Variants in NETO2 observed in about 807,000 individuals in gnomAD.
NETO2 encodes neuropilin and tolloid-like protein 2.
NETO2 carries 28 observed loss-of-function variants against 62.5 expected under a neutral mutation model. That is an observed-to-expected ratio of 0.45 (90% CI 0.33 to 0.61). The LOEUF is 0.61. Among genes scored for constraint, NETO2 ranks in the 20% least tolerant of loss-of-function variants. The pLI is 0.02. For missense variants in NETO2, 548 were observed against 643.2 expected (o/e 0.85, Z 1.60); for synonymous variants, 214 against 219.1 (o/e 0.98, Z 0.21).
At chr16:47,114,120 T>C (rs1017526906) in intron 6 of NETO2, among the ~76,000 whole-genome samples, 1 of 152,142 alleles carries the variant, frequency 6.6e-6, no homozygotes, top group Non-Finnish European at 1.5e-5. Context: ...CAGGACTGTA[T>C]CAGAGTTTCA....
chr16:47,099,671 A>G (rs888591186), intron 7 of NETO2, among the ~76,000 whole-genome samples: 1 of 152,220 alleles, frequency 6.6e-6, no homozygotes, highest in Admixed American at 6.5e-5. Flanking sequence ...CTAGTCTCTG[A>G]TAAAACAGAC....
chr16:47,106,102 T>C (rs1963667078), intron 7 of NETO2, among the ~76,000 whole-genome samples: 1 of 152,086 alleles, frequency 6.6e-6, no homozygotes, highest in South Asian at 2.1e-4. Flanking sequence ...TTCTGATACA[T>C]ATGACCACAT....
chr16:47,112,333 A>G (rs72812495), intron 6 of NETO2, among the ~76,000 whole-genome samples: 4,273 of 152,328 alleles, frequency 0.028, 96 homozygotes, highest in Non-Finnish European at 0.04. Flanking sequence ...TTTCTTAAAT[A>G]AAACCATCTA....
chr16:47,095,228 C>T (rs757653494), intron 7 of NETO2, among the ~76,000 whole-genome samples: 45 of 151,468 alleles, frequency 3.0e-4, no homozygotes, highest in Admixed American at 1.1e-3. Flanking sequence ...AAAGGAAATG[C>T]GAAGGGAATC....
At chr16:47,141,018 G>A (rs1964452180) in intron 1 of NETO2, among the ~76,000 whole-genome samples, 1 of 152,140 alleles carries the variant, frequency 6.6e-6, no homozygotes, top group South Asian at 2.1e-4. Context: ...AATTCTGTGA[G>A]GCCTAGAGTG....
chr16:47,137,381 A>T (rs1964379127), intron 1 of NETO2, among the ~76,000 whole-genome samples: 1 of 152,192 alleles, frequency 6.6e-6, no homozygotes. Context: ...CACTGTGAGT[A>T]CCACTGCAAC....
At chr16:47,134,092 T>G (rs895613735) in intron 1 of NETO2, among the ~76,000 whole-genome samples, 1 of 151,494 alleles carries the variant, frequency 6.6e-6, no homozygotes, top group African/African-American at 2.4e-5. Context: ...GTGAGGGAGG[T>G]GGAGGCACTG....
rs898036699 is a variant in NETO2 at position 47,082,218 on chromosome 16, G to C, written c.*1003C>G. On this transcript the variant is annotated 3_prime_UTR_variant, in exon 9 of 9. Coordinates refer to ENST00000562435, the MANE Select transcript of NETO2 (RefSeq NM_018092.5). ...GTCCCAGTTAAGAAGCAATCTCAAG[G>C]CTCATCCAATTTCTAAGGAATTTTA... The C allele has an allele frequency of 3.3e-5, 5 of 152,704 alleles. No homozygotes were observed. Among genetic ancestry groups the C allele is most frequent in the East Asian group, 1.9e-4 (1 of 5,194 alleles). The allele number at this position is 152,704 out of a possible 1,614,324, so 9.5% of individuals were successfully genotyped here. A position where few individuals can be genotyped will look rare whatever the true frequency, so the allele number is the denominator to read the frequency against.
chr16:47,114,532 G>A lies in NETO2; in HGVS notation c.655-4821C>T, dbSNP rs185377860. 2.9e-3 allele frequency among the ~76,000 whole-genome samples: 371 copies of A among 127,992 alleles called. No individual in the cohort carries two copies. In the Middle Eastern group the frequency reaches 0.031, roughly 11 times the overall value. The allele number at this position is 127,992 out of a possible 152,430, so 84.0% of individuals were successfully genotyped here. A position where few individuals can be genotyped will look rare whatever the true frequency, so the allele number is the denominator to read the frequency against. On this transcript the variant is annotated intron_variant, in intron 6 of 8. Transcript: ENST00000562435. Reference sequence around the variant, plus strand: ...GTGGCATGATCTCGGCTCACTGCAAGCTCCGCCTCCCGGGTTCATGCCAGT... The same window carrying A: ...GTGGCATGATCTCGGCTCACTGCAAACTCCGCCTCCCGGGTTCATGCCAGT...
At chr16:47,140,790 G>C (rs1964446728) in intron 1 of NETO2, among the ~76,000 whole-genome samples, 1 of 152,178 alleles carries the variant, frequency 6.6e-6, no homozygotes. Flanking sequence ...GTTAATACTT[G>C]CACCGTCTCA....
chr16:47,110,815 C>T (rs1456814659), intron 6 of NETO2, among the ~76,000 whole-genome samples: 6 of 151,566 alleles, frequency 4.0e-5, no homozygotes, highest in Admixed American at 2.0e-4. Flanking sequence ...CCCCCCCCAC[C>T]CCACCAAATA....
At position 47,083,415 on chromosome 16, in the gene NETO2, G is replaced by C. The variant is rs1256660628; in HGVS notation, c.1384C>G (p.Arg462Gly). The change falls in exon 9 of 9, where the codon CGA (arginine) becomes GGA (glycine). Residue 462 changes from arginine (R) to glycine (G), a missense_variant. Arg to Gly is a moderately radical substitution (Grantham distance 125). Coordinates refer to ENST00000562435, the MANE Select transcript of NETO2 (RefSeq NM_018092.5). ...TNLSSMELPF[R>G]NDFAQPQPMK... ...GGCTGTGGTTGTGCAAAGTCATTTC[G>C]GAAAGGAAGTTCCATGGAACTGAGG... The C allele has an allele frequency of 6.2e-7, 1 of 1,614,152 alleles. No homozygotes were observed. Among genetic ancestry groups the C allele is most frequent in the Non-Finnish European group, 8.5e-7 (1 of 1,180,032 alleles).
At position 47,128,400 on chromosome 16, in the gene NETO2, A is replaced by G. The variant is rs1392837913; in HGVS notation, c.406T>C (p.Phe136Leu). The G allele has an allele frequency of 2.5e-6, 4 of 1,613,996 alleles. No individual in the cohort carries two copies. The highest frequency in any genetic ancestry group is 3.4e-6 in the Non-Finnish European group (4 of 1,180,000). The change falls in exon 4 of 9, where the codon TTC (phenylalanine) becomes CTC (leucine). Residue 136 changes from phenylalanine (F) to leucine (L), a missense_variant. Phe to Leu is a conservative substitution (Grantham distance 22). Coordinates refer to ENST00000562435, the MANE Select transcript of NETO2 (RefSeq NM_018092.5). ...SPPLIRSTGR[F>L]MWIKFSSDEE... is the part of the protein sequence containing the mutation. ...TCAGAACTAAACTTAATCCACATGA[A>G]TCTCCCTGTTGATCTAATTAATGGA...
intron 7 of NETO2, among the ~76,000 whole-genome samples, chr16:47,098,717 A>T (rs1162876891): frequency 2.0e-5 from 3 of 152,276 alleles, no homozygotes; most frequent in Admixed American, 2.0e-4. Flanking sequence ...ACCCCAAGAC[A>T]CATAATCGTC....
In NETO2 at chr16:47,128,497, A is replaced by T. The variant is rs1220496391; in HGVS notation, c.309T>A (p.Asp103Glu). 1.2e-6 allele frequency: 2 copies of T among 1,613,970 alleles called. No homozygotes were observed. The highest frequency in any genetic ancestry group is 2.7e-5 in the African/African-American group (2 of 74,934). ...ATGGCCCATCTCGAACTTCCAAGTG[A>T]TCAAACCGACACTCAAATGATGGTT... ...YIEPSFECRF[D>E]HLEVRDGPFG... Residue 103 changes from aspartate to glutamate, a missense_variant, in exon 4 of 9, where the codon GAT becomes GAA. Physicochemically the swap from Asp to Glu is conservative, Grantham distance 45. Coordinates refer to ENST00000562435, the MANE Select transcript of NETO2 (RefSeq NM_018092.5).
chr16:47,094,997 CT>C (rs1963401617), intron 7 of NETO2, among the ~76,000 whole-genome samples: 1 of 152,222 alleles, frequency 6.6e-6, no homozygotes, highest in African/African-American at 2.4e-5. Context: ...GTATGAGCCG[CT>C]GTGCCTGGCC....
chr16:47,131,893 CA>C, intron 2 of NETO2, 75 bp downstream of exon 2: 2 of 1,223,838 alleles, frequency 1.6e-6, no homozygotes, highest in Non-Finnish European at 2.4e-6. Context: ...AAATAGTACC[CA>C]AAAGTTGCAA....
intron 1 of NETO2, among the ~76,000 whole-genome samples, chr16:47,138,278 T>C (rs1398371143): frequency 1.3e-5 from 2 of 152,170 alleles, no homozygotes; most frequent in African/African-American, 4.8e-5. Flanking sequence ...CACACGCCTG[T>C]AGTCCCAGCT....
intron 6 of NETO2, among the ~76,000 whole-genome samples, chr16:47,114,826 T>C (rs1385724789): frequency 2.0e-5 from 3 of 152,172 alleles, no homozygotes; most frequent in Admixed American, 1.3e-4. Flanking sequence ...ATTCTTTTCA[T>C]ATATTCTCCT....
Sources: allele counts gnomAD v4.1 joint callset (sites outside exome capture counted in the v4.1 genomes callset), GRCh38; gene constraint gnomAD v4.1.1; transcripts MANE v1.5; gene names NCBI Gene and HGNC (gene_info 2026-07-23, HGNC 2026-07-21).